The following CCSER1 variants were observed in gnomAD, a reference collection of about 807,000 sequenced individuals.
The protein encoded by CCSER1 is coiled-coil serine rich protein 1.
In CCSER1, 41 loss-of-function variants were observed where a neutral mutation model predicts 82.0. The ratio of observed to expected loss-of-function variants is 0.50; its 90% CI spans 0.39 to 0.65. The LOEUF is 0.65. CCSER1 is among the 30% of genes least tolerant of loss of function. The pLI is 0.00. For synonymous variants in CCSER1, 414 were observed against 383.9 expected (o/e 1.08, Z -0.92); for missense variants, 1,119 against 1,064.2 (o/e 1.05, Z -0.72).
chr4:90,312,967 C>A lies in CCSER1; in HGVS notation c.1429C>A (p.Pro477Thr). 1 of 1,600,174 alleles carries A rather than the reference C, an allele frequency of 6.2e-7. No individual in the cohort carries two copies. The highest frequency in any genetic ancestry group is 8.5e-7 in the Non-Finnish European group (1 of 1,172,554). The change falls in exon 3 of 11, where the codon CCG (proline) becomes ACG (threonine). Residue 477 changes from proline (P) to threonine (T), a missense_variant. Pro to Thr is a conservative substitution (Grantham distance 38). Transcript: ENST00000509176. ...AGGGAGTAGCAGAATGATTTTGAAA[C>A]CGAAAGATGGAAATATAGAAGAAGT... ...TAGSSRMILK[P>T]KDGNIEEVNS...
At chr4:91,424,092 C>T (rs1753834535) in intron 10 of CCSER1, among the ~76,000 whole-genome samples, 1 of 136,996 alleles carries the variant, frequency 7.3e-6, no homozygotes. Flanking sequence ...TCTCGGCTCA[C>T]TGCAAGCTCC....
intron 5 of CCSER1, among the ~76,000 whole-genome samples, chr4:90,566,260 A>G (rs1779365927): frequency 6.6e-6 from 1 of 151,998 alleles, no homozygotes; most frequent in Non-Finnish European, 1.5e-5. Flanking sequence ...AGTTTTATTA[A>G]TAGTGTCTTT....
At chr4:90,794,636 A>G (rs1176064436) in intron 7 of CCSER1, among the ~76,000 whole-genome samples, 2 of 151,756 alleles carry the variant, frequency 1.3e-5, no homozygotes, top group Non-Finnish European at 2.9e-5. Flanking sequence ...ATTGCCTTTG[A>G]TATTCAGGCG....
chr4:90,365,068 T>C (rs908621747), intron 3 of CCSER1, among the ~76,000 whole-genome samples: 4 of 151,868 alleles, frequency 2.6e-5, no homozygotes, highest in Non-Finnish European at 4.4e-5. Flanking sequence ...TTAATTGATA[T>C]TGCAATCAGT....
intron 6 of CCSER1, among the ~76,000 whole-genome samples, chr4:90,669,032 C>T (rs1007647809): frequency 8.5e-5 from 13 of 152,058 alleles, no homozygotes; most frequent in South Asian, 6.2e-4. Context: ...TTACCAGAAG[C>T]TTGGCAATCA....
At chr4:90,616,912 G>C (rs543996500) in intron 5 of CCSER1, among the ~76,000 whole-genome samples, 122 of 152,238 alleles carry the variant, frequency 8.0e-4, no homozygotes, top group African/African-American at 2.8e-3. Flanking sequence ...CCAAGTGGCT[G>C]TCTCTGAAGG....
At chr4:90,962,102 A>G (rs1226530652) in intron 9 of CCSER1, among the ~76,000 whole-genome samples, 2 of 152,106 alleles carry the variant, frequency 1.3e-5, no homozygotes, top group African/African-American at 4.8e-5. Context: ...AAGAACTGAG[A>G]TTTAGAAGTT....
chr4:90,618,801 A>C (rs1419930335), intron 5 of CCSER1, among the ~76,000 whole-genome samples: 3 of 151,940 alleles, frequency 2.0e-5, no homozygotes, highest in Non-Finnish European at 2.9e-5. Flanking sequence ...TAAGAAGTTC[A>C]TAATAAGTAA....
At chr4:90,966,905 A>G (rs535231165) in intron 9 of CCSER1, among the ~76,000 whole-genome samples, 1 of 152,084 alleles carries the variant, frequency 6.6e-6, no homozygotes, top group Non-Finnish European at 1.5e-5. Flanking sequence ...TTGATCCTAA[A>G]TTTCACATGG....
At chr4:91,092,109 GT>G (rs1724021655) in intron 10 of CCSER1, among the ~76,000 whole-genome samples, 1 of 152,106 alleles carries the variant, frequency 6.6e-6, no homozygotes, top group African/African-American at 2.4e-5. Context: ...TTTTAATCCT[GT>G]CTCTTGATAT....
chr4:90,289,305 C>T (rs2153464755), intron 1 of CCSER1, among the ~76,000 whole-genome samples: 2 of 151,878 alleles, frequency 1.3e-5, no homozygotes, highest in South Asian at 2.1e-4. Flanking sequence ...GTCCTTTTAC[C>T]TTATAGGAAA....
intron 3 of CCSER1, among the ~76,000 whole-genome samples, chr4:90,360,099 A>G (rs1578105673): frequency 6.7e-6 from 1 of 148,688 alleles, no homozygotes; most frequent in Admixed American, 6.7e-5. Context: ...TTGTATTTTT[A>G]GTAGAGACAG....
intron 10 of CCSER1, among the ~76,000 whole-genome samples, chr4:91,418,303 T>TAA (rs142070235): frequency 0.38 from 42,507 of 113,284 alleles, 8,232 homozygotes; most frequent in East Asian, 0.53. Flanking sequence ...ATTTTTTAAT[T>TAA]AAAAAAAAAA....
chr4:91,447,134 A>G (rs6842809), intron 10 of CCSER1, among the ~76,000 whole-genome samples: 95,980 of 151,860 alleles, frequency 0.63, 31,051 homozygotes, highest in East Asian at 0.88. Flanking sequence ...AAGCTTGCTA[A>G]GGAAATCTCT....
chr4:90,559,802 T>C (rs1417576928), intron 5 of CCSER1, among the ~76,000 whole-genome samples: 1 of 94,462 alleles, frequency 1.1e-5, no homozygotes, highest in African/African-American at 4.8e-5. Context: ...AGACCGAGAC[T>C]CCGTCTCAAA....
At chr4:90,860,136 A>G (rs1764903019) in intron 8 of CCSER1, among the ~76,000 whole-genome samples, 1 of 151,744 alleles carries the variant, frequency 6.6e-6, no homozygotes, top group Non-Finnish European at 1.5e-5. Flanking sequence ...ATACATAAAA[A>G]ATTTGTATAA....
At chr4:90,906,471 AT>A (rs1725491052) in intron 8 of CCSER1, among the ~76,000 whole-genome samples, 1 of 152,110 alleles carries the variant, frequency 6.6e-6, no homozygotes, top group African/African-American at 2.4e-5. Flanking sequence ...TCATCAGCAT[AT>A]TACTGTTAAT....
intron 1 of CCSER1, among the ~76,000 whole-genome samples, chr4:90,147,261 T>C (rs1483985806): frequency 4.7e-5 from 7 of 150,246 alleles, no homozygotes; most frequent in South Asian, 2.1e-4. Context: ...ACAACAACCC[T>C]ATGAGATAGG....
At chr4:90,995,629 C>T (rs1187356665) in intron 9 of CCSER1, among the ~76,000 whole-genome samples, 1 of 152,016 alleles carries the variant, frequency 6.6e-6, no homozygotes, top group East Asian at 1.9e-4. Flanking sequence ...GTTATTATTA[C>T]AAAATTTTTT....
Sources: gnomAD v4.1 joint callset for allele counts (sites outside exome capture counted in the v4.1 genomes callset) on GRCh38, gnomAD v4.1.1 for gene constraint, MANE v1.5 for transcripts, NCBI Gene and HGNC (gene_info 2026-07-23, HGNC 2026-07-21) for gene names.